The following C19orf44 variants were observed in gnomAD, a reference collection of about 807,000 sequenced individuals.
C19orf44 encodes chromosome 19 open reading frame 44.
In C19orf44, 43 loss-of-function variants were observed where a neutral mutation model predicts 50.7. That is an observed-to-expected ratio of 0.85 (90% CI 0.66 to 1.09). The LOEUF is 1.09. Among genes scored for constraint, C19orf44 ranks in the 50% least tolerant of loss-of-function variants. The pLI is 0.00. For missense variants in C19orf44, 722 were observed against 836.2 expected (o/e 0.86, Z 1.68); for synonymous variants, 298 against 334.7 (o/e 0.89, Z 1.20).
rs557457298 is a variant in C19orf44 at position 16,510,007 on chromosome 19, G to C, written c.1639+19G>C. 2 of 1,614,074 alleles carry C rather than the reference G, an allele frequency of 1.2e-6. No individual in the cohort carries two copies. The highest frequency in any genetic ancestry group is 1.7e-5 in the Admixed American group (1 of 60,028). Reference sequence around the variant, plus strand: ...ACCAAGGGTAAGCCTTGGGGCCCGTGGGGGCCGGGGCAGCCGGGACAGGAG... The same window carrying C: ...ACCAAGGGTAAGCCTTGGGGCCCGTCGGGGCCGGGGCAGCCGGGACAGGAG... On this transcript the variant is annotated intron_variant, in intron 5 of 8. Transcript: ENST00000221671.
intron 7 of C19orf44, 94 bp from the exon 8 acceptor site, chr19:16,517,136 G>A: frequency 8.6e-7 from 1 of 1,162,634 alleles, no homozygotes; most frequent in East Asian, 2.5e-5. Flanking sequence ...GCCTGCTGGG[G>A]ACAGGTGCTG....
intron 8 of C19orf44, among the ~76,000 whole-genome samples, 174 bp downstream of exon 8, chr19:16,517,515 G>A (rs955442482): frequency 6.6e-5 from 10 of 152,170 alleles, no homozygotes; most frequent in African/African-American, 2.4e-4. Context: ...GCTGCGGTGA[G>A]GGCCCCAGAC....
At chr19:16,511,819 A>C (rs1455958561) in intron 5 of C19orf44, among the ~76,000 whole-genome samples, 2 of 152,028 alleles carry the variant, frequency 1.3e-5, no homozygotes, top group African/African-American at 2.4e-5. Flanking sequence ...TGTAGTTCCC[A>C]GCCTGGCCAA....
intron 7 of C19orf44, among the ~76,000 whole-genome samples, chr19:16,515,615 C>T (rs1333119195): frequency 6.6e-6 from 1 of 151,954 alleles, no homozygotes. Flanking sequence ...CTGCAGCCTT[C>T]GCTTCCTGGG....
chr19:16,509,894 T>C lies in C19orf44; in HGVS notation c.1545T>C (p.Ser515=), dbSNP rs2093451996. 1 of 1,614,232 alleles carries C rather than the reference T, an allele frequency of 6.2e-7. No individual in the cohort carries two copies. The highest frequency in any genetic ancestry group is 1.3e-5 in the African/African-American group (1 of 75,072). The change falls in exon 5 of 9, where the codon TCT becomes TCC. Residue 515 remains serine (S), a synonymous_variant. Coordinates refer to ENST00000221671, the MANE Select transcript of C19orf44 (RefSeq NM_032207.4). Reference sequence around the variant, plus strand: ...CAGACCTTCCACAAACAGCCGAGTCTAGGAAAAAGTCGGGCAGGCACGTGA... The same window carrying C: ...CAGACCTTCCACAAACAGCCGAGTCCAGGAAAAAGTCGGGCAGGCACGTGA... ...VKTDLPQTAE[S]RKKSGRHVTR...
rs749990577 is a variant in C19orf44, at chr19:16,501,550, C to T, written c.758C>T (p.Ser253Leu). 27 of 1,365,756 alleles carry T rather than the reference C, an allele frequency of 2.0e-5. No homozygotes were observed. Among genetic ancestry groups the T allele is most frequent in the South Asian group, 4.0e-5 (2 of 49,812 alleles). The allele number at this position is 1,365,756 out of a possible 1,614,324, so 84.6% of individuals were successfully genotyped here. ...VSEEEERKLF[S>L]VPSQLRAFTV... ...GAGGAAGAAGAAAGAAAACTATTTT[C>T]GGTGAGATTTTTTTTTTTTGGTAAA... The change falls in exon 2 of 9, where the codon TCG (serine) becomes TTG (leucine). Residue 253 changes from serine to leucine, a missense_variant and splice_region_variant. By Grantham distance (145) the Ser-to-Leu change is moderately radical (BLOSUM62 -2). Transcript: ENST00000221671.
At chr19:16,496,565 G>A (rs988783835) in intron 1 of C19orf44, 100 bp downstream of exon 1, 45 of 266,660 alleles carry the variant, frequency 1.7e-4, no homozygotes, top group Non-Finnish European at 2.8e-4. Flanking sequence ...TGGTTGGGCC[G>A]CTGCAGGATG....
Position 16,509,546 on chromosome 19 carries a change from C to T in C19orf44, c.1197C>T (p.Ala399=), listed in dbSNP as rs757941392. ...AAACAGCTGGCAAAATCTTCAGAGC[C>T]GAGGCGTCCACTGGGCAGGATGCCC... is the stretch of plus-strand genomic sequence containing the variant. ...RQKTAGKIFR[A]EASTGQDAPR... Residue 399 remains alanine, a synonymous_variant, in exon 5 of 9, where the codon GCC becomes GCT. Coordinates refer to ENST00000221671, the MANE Select transcript of C19orf44 (RefSeq NM_032207.4). The T allele has an allele frequency of 1.0e-5, 16 of 1,578,162 alleles. No homozygotes were observed. Among genetic ancestry groups the T allele is most frequent in the Middle Eastern group, 1.7e-4 (1 of 5,870 alleles).
intron 4 of C19orf44, 108 bp downstream of exon 4, chr19:16,506,882 C>A: frequency 1.4e-6 from 1 of 740,692 alleles, no homozygotes; most frequent in Non-Finnish European, 2.2e-6. Context: ...CACTATGTTG[C>A]CCAGGCCGTC....
chr19:16,511,622 C>G (rs1203811049), intron 5 of C19orf44, among the ~76,000 whole-genome samples: 1 of 151,762 alleles, frequency 6.6e-6, no homozygotes, highest in Non-Finnish European at 1.5e-5. Context: ...GCTCTGTTGC[C>G]CAGGCTGGAG....
At position 16,513,072 on chromosome 19, in the gene C19orf44, CAT is replaced by C. The variant is rs1298033878; in HGVS notation, c.1699_1700del (p.Ile567ArgfsTer25). ...LGGAYVDPTP[I>X]ANHVISADAI... ...GAGGCGCCTACGTGGACCCGACACCCATCGCCAATCATGTTATCAGTGCAGAT... is the reference window on the plus strand; with the variant it reads ...GAGGCGCCTACGTGGACCCGACACCCCGCCAATCATGTTATCAGTGCAGAT... On this transcript the variant is annotated frameshift_variant, in exon 6 of 9. Transcript: ENST00000221671. LOFTEE classifies it high-confidence loss of function. 6.2e-7 allele frequency: 1 copy of C among 1,613,968 alleles called. No individual in the cohort carries two copies. The highest frequency in any genetic ancestry group is 2.2e-5 in the East Asian group (1 of 44,876).
At chr19:16,516,706 G>A (rs1169388887) in intron 7 of C19orf44, among the ~76,000 whole-genome samples, 3 of 152,178 alleles carry the variant, frequency 2.0e-5, no homozygotes, top group Non-Finnish European at 4.4e-5. Context: ...CACATGCCCC[G>A]GGACGCTGCT....
chr19:16,499,749 G>T (rs2093419678), intron 1 of C19orf44: 1 of 151,996 alleles, frequency 6.6e-6, no homozygotes, highest in Non-Finnish European at 1.5e-5. Flanking sequence ...GCCTGCTGGG[G>T]AGCTGTGCCT....
intron 3 of C19orf44, among the ~76,000 whole-genome samples, chr19:16,504,196 TA>T (rs952872294): frequency 4.0e-5 from 6 of 151,432 alleles, no homozygotes; most frequent in Non-Finnish European, 5.9e-5. Flanking sequence ...ACTCCATCTC[TA>T]AAAAAAAATT....
chr19:16,497,352 CTTT>C (rs71180303), intron 1 of C19orf44, among the ~76,000 whole-genome samples: 1 of 127,034 alleles, frequency 7.9e-6, no homozygotes. Context: ...TTTTTCTTTC[CTTT>C]TTTTTTTTTT....
rs986068190 is a variant in C19orf44 at position 16,521,008 on chromosome 19, A to G, written c.*955A>G. On this transcript the variant is annotated 3_prime_UTR_variant, in exon 9 of 9. Transcript: ENST00000221671. ...GGAGTTAATCCACAGAACCTTGGAG[A>G]GTACATGGCCCTGTGGCTGTGGGCT... 8 of 1,054,350 alleles carry G rather than the reference A, an allele frequency of 7.6e-6. No individual in the cohort carries two copies. In the Admixed American group the frequency reaches 1.4e-4, roughly 18 times the overall value. 65.3% of individuals were successfully genotyped at this position (1,054,350 alleles called of 1,614,324 possible).
chr19:16,503,476 G>T, intron 3 of C19orf44, 96 bp downstream of exon 3: 1 of 1,316,010 alleles, frequency 7.6e-7, no homozygotes. Context: ...CATTGCCACA[G>T]GCAGGGAGTT....
rs1437450954 is a variant in C19orf44, at chr19:16,501,450, G to T, written c.658G>T (p.Val220Leu). Residue 220 changes from valine to leucine, a missense_variant, in exon 2 of 9, where the codon GTA becomes TTA. Physicochemically the swap from Val to Leu is conservative, Grantham distance 32. Transcript: ENST00000221671. ...AGACAGTGACGAAGAAGAAATGAAAGTATTGCTAGGAAGCTTGATGGACTC... is the reference window on the plus strand; with the variant it reads ...AGACAGTGACGAAGAAGAAATGAAATTATTGCTAGGAAGCTTGATGGACTC... ...SPDSDEEEMK[V>L]LLGSLMDSSR... 6.2e-7 allele frequency: 1 copy of T among 1,613,506 alleles called. No individual in the cohort carries two copies. The highest frequency in any genetic ancestry group is 2.2e-5 in the East Asian group (1 of 44,886).
chr19:16,496,564 C>T (rs960420116), intron 1 of C19orf44, 99 bp downstream of exon 1: 5 of 276,118 alleles, frequency 1.8e-5, no homozygotes, highest in African/African-American at 1.1e-4. Context: ...CTGGTTGGGC[C>T]GCTGCAGGAT....
Sources: allele counts gnomAD v4.1 joint callset (sites outside exome capture counted in the v4.1 genomes callset), GRCh38; gene constraint gnomAD v4.1.1; transcripts MANE v1.5; gene names NCBI Gene and HGNC (gene_info 2026-07-23, HGNC 2026-07-21).